The following OPLAH variants were observed in gnomAD, a reference collection of about 807,000 sequenced individuals.
OPLAH encodes 5-oxoprolinase, ATP-hydrolysing.
OPLAH carries 103 observed loss-of-function variants against 122.8 expected under a neutral mutation model. The ratio of observed to expected loss-of-function variants is 0.84; its 90% CI spans 0.71 to 0.99. The LOEUF is 0.99. OPLAH is among the 50% of genes least tolerant of loss of function. OPLAH has a pLI of 0.00. For synonymous variants in OPLAH, 875 were observed against 796.0 expected (o/e 1.10, Z -1.67); for missense variants, 1,902 against 1,836.5 (o/e 1.04, Z -0.65).
Position 144,052,528 on chromosome 8 carries a change from A to G in OPLAH, c.3224T>C (p.Val1075Ala), listed in dbSNP as rs1344938275. ...SILDPSPEAAVVGGNVLTSQR... is the reference protein window; with the variant it reads ...SILDPSPEAAAVGGNVLTSQR... ...CGACGTGAGCACGTTGCCGCCCACC[A>G]CCGCCGCCTCGGGCGACGGGTCCAG... is the stretch of plus-strand genomic sequence containing the variant. The change falls in exon 23 of 27, where the codon GTG becomes GCG. Residue 1075 changes from valine to alanine, a missense_variant. By Grantham distance (64) the Val-to-Ala change is moderately conservative. Transcript: ENST00000618853. 3 of 1,588,168 alleles carry G rather than the reference A, an allele frequency of 1.9e-6. No individual in the cohort carries two copies. The African/African-American group carries it at 4.0e-5, about 21-fold the overall frequency.
At position 144,055,212 on chromosome 8, in the gene OPLAH, C is replaced by A. The variant is rs782683208; in HGVS notation, c.2249-23G>T. The A allele has an allele frequency of 6.7e-7, 1 of 1,493,028 alleles. No individual in the cohort carries two copies. The highest frequency in any genetic ancestry group is 8.9e-7 in the Non-Finnish European group (1 of 1,122,274). 92.5% of individuals were successfully genotyped at this position (1,493,028 alleles called of 1,614,324 possible). A position where few individuals can be genotyped will look rare whatever the true frequency, so the allele number is the denominator to read the frequency against. On this transcript the variant is annotated intron_variant, in intron 16 of 26. Coordinates refer to ENST00000618853, the MANE Select transcript of OPLAH (RefSeq NM_017570.5). This position sits in a 1 kb window ranked among gnomAD's most constrained non-coding sequence, Gnocchi z 6.5. ...GCTCTAGGAGCACAAAGTGACCAGG[C>A]CCGCTGGCCCCACCCACCCACAGCC...
At chr8:144,051,577 C>T (rs1038838142) in intron 26 of OPLAH, 105 bp from the exon 27 acceptor site, 10 of 1,196,860 alleles carry the variant, frequency 8.4e-6, no homozygotes, top group Non-Finnish European at 1.2e-5. Flanking sequence ...TCACCCGCCC[C>T]CATGGACCAC....
chr8:144,058,402 A>G lies in OPLAH; in HGVS notation c.786T>C (p.Asp262=). The stretch of plus-strand genomic sequence containing the variant: ...CGGAGCGCATGAACAACACCTGCAC[A>G]TCCTGCGAGCGGGCAGCAGGCGGGC... ...FCRGFQGQLK[D]VQVLFMRSDG... The change falls in exon 7 of 27, where the codon GAT becomes GAC. Residue 262 remains aspartate (D), a splice_region_variant and synonymous_variant. Coordinates refer to ENST00000618853, the MANE Select transcript of OPLAH (RefSeq NM_017570.5). The G allele has an allele frequency of 3.1e-6, 5 of 1,588,976 alleles. No homozygotes were observed. Among genetic ancestry groups the G allele is most frequent in the Admixed American group, 1.7e-5 (1 of 58,024 alleles).
At position 144,059,056 on chromosome 8, in the gene OPLAH, C is replaced by T; in HGVS notation, c.387G>A (p.Leu129=). Reference sequence around the variant, plus strand: ...CGTCCACCTCCAGCACCTCTTCATACAGCACCTCAGGCATGGGCACGGCCT... The same window carrying T: ...CGTCCACCTCCAGCACCTCTTCATATAGCACCTCAGGCATGGGCACGGCCT... ...FDLAVPMPEV[L]YEEVLEVDER... The change falls in exon 4 of 27, where the codon CTG becomes CTA. Residue 129 remains leucine, a synonymous_variant. Coordinates refer to ENST00000618853, the MANE Select transcript of OPLAH (RefSeq NM_017570.5). The T allele has an allele frequency of 6.3e-7, 1 of 1,588,450 alleles. No homozygotes were observed. Among genetic ancestry groups the T allele is most frequent in the East Asian group, 2.3e-5 (1 of 43,270 alleles).
chr8:144,050,843 C>G, downstream of OPLAH: 1 of 991,872 alleles, frequency 1.0e-6, no homozygotes. Flanking sequence ...GCCTCCTCCC[C>G]CAAGATGCCG....
Position 144,055,163 on chromosome 8 carries a change from T to C in OPLAH, c.2275A>G (p.Thr759Ala). The part of the protein sequence containing the change: ...AEQMGRILQR[T>A]AISTNIKERL... ...TCCTTGATGTTGGTGGAGATGGCTG[T>C]GCGCTGCAGGATGCGGCCCATCTGC... The change falls in exon 17 of 27, where the codon ACA becomes GCA. Residue 759 changes from threonine to alanine, a missense_variant. This residue lies in a region of OPLAH where 1,726 missense variants were observed against 1,642.1 expected (regional missense o/e 1.05). Coordinates refer to ENST00000618853, the MANE Select transcript of OPLAH (RefSeq NM_017570.5). This position sits in a 1 kb window ranked among gnomAD's most constrained non-coding sequence, Gnocchi z 6.5. The C allele has an allele frequency of 3.8e-6, 6 of 1,561,104 alleles. No individual in the cohort carries two copies. Among genetic ancestry groups the C allele is most frequent in the Non-Finnish European group, 5.2e-6 (6 of 1,154,658 alleles).
At chr8:144,050,734 G>A (rs1835352892), downstream of OPLAH, 26 of 985,974 alleles carry the variant, frequency 2.6e-5, no homozygotes, top group Non-Finnish European at 2.9e-5. Context: ...GCGGGAAGTG[G>A]ACCTGGGGAG....
chr8:144,059,064 C>CT lies in OPLAH; in HGVS notation c.378_379insA (p.Glu127ArgfsTer5). 6.3e-7 allele frequency: 1 copy of CT among 1,585,934 alleles called. No individual in the cohort carries two copies. Among genetic ancestry groups the CT allele is most frequent in the South Asian group, 1.2e-5 (1 of 86,756 alleles). On this transcript the variant is annotated frameshift_variant, in exon 4 of 27. Coordinates refer to ENST00000618853, the MANE Select transcript of OPLAH (RefSeq NM_017570.5). LOFTEE classifies it high-confidence loss of function. ...TCCAGCACCTCTTCATACAGCACCT[C>CT]AGGCATGGGCACGGCCTGGGGGCGG...
At position 144,052,429 on chromosome 8, in the gene OPLAH, C is replaced by T. The variant is rs1835404112; in HGVS notation, c.3303+20G>A. 1 of 1,531,918 alleles carries T rather than the reference C, an allele frequency of 6.5e-7. No individual in the cohort carries two copies. The highest frequency in any genetic ancestry group is 8.7e-7 in the Non-Finnish European group (1 of 1,144,114). The allele number at this position is 1,531,918 out of a possible 1,614,324, so 94.9% of individuals were successfully genotyped here. A position where few individuals can be genotyped will look rare whatever the true frequency, so the allele number is the denominator to read the frequency against. On this transcript the variant is annotated intron_variant, in intron 23 of 26. Transcript: ENST00000618853. The stretch of plus-strand genomic sequence containing the variant: ...GCCCACCCAGTCCGCCCCCGAGCTG[C>T]GCCCACCCCGCCCCCGCACCTGGGA...
At chr8:144,050,785 G>T (rs956760826), downstream of OPLAH, 13 of 986,674 alleles carry the variant, frequency 1.3e-5, no homozygotes, top group Non-Finnish European at 1.6e-5. Context: ...CCCTCCCCCG[G>T]ATCCCCCAGG....
chr8:144,058,426 G>A (rs372393636), intron 6 of OPLAH, 22 bp from the exon 7 acceptor site: 615 of 1,585,562 alleles, frequency 3.9e-4, no homozygotes, highest in Admixed American at 5.4e-4. Flanking sequence ...CAGCAGGCGG[G>A]CCATGAGGGG....
chr8:144,057,189 C>T lies in OPLAH; in HGVS notation c.1535+19G>A, dbSNP rs782765454. 1.2e-6 allele frequency: 2 copies of T among 1,608,052 alleles called. No individual in the cohort carries two copies. Among genetic ancestry groups the T allele is most frequent in the Non-Finnish European group, 8.5e-7 (1 of 1,177,848 alleles). ...CGGCGCAGATCACACCACCTCCGTG[C>T]ACCCACACCCAGGCCCACCTGTGGA... On this transcript the variant is annotated intron_variant, in intron 11 of 26. Coordinates refer to ENST00000618853, the MANE Select transcript of OPLAH (RefSeq NM_017570.5).
chr8:144,052,317 T>A lies in OPLAH; in HGVS notation c.3313A>T (p.Asn1105Tyr). 1 of 1,525,880 alleles carries A rather than the reference T, an allele frequency of 6.6e-7. No individual in the cohort carries two copies. Among genetic ancestry groups the A allele is most frequent in the East Asian group, 2.5e-5 (1 of 40,610 alleles). 94.5% of individuals were successfully genotyped at this position (1,525,880 alleles called of 1,614,324 possible). The change falls in exon 24 of 27, where the codon AAC becomes TAC. Residue 1105 changes from asparagine to tyrosine, a missense_variant. Physicochemically the swap from Asn to Tyr is moderately radical, Grantham distance 143 (BLOSUM62 -2). Around this residue, in one of 3 missense-constraint regions of OPLAH, gnomAD observed 1,726 missense variants for 1,642.1 expected, o/e 1.05. Transcript: ENST00000618853. Reference sequence around the variant, plus strand: ...TGGGCGTTGCCCAGGGTCACGTTGTTCATGCAGCCCTGGTGAGGGCACCTG... The same window carrying A: ...TGGGCGTTGCCCAGGGTCACGTTGTACATGCAGCCCTGGTGAGGGCACCTG... ...GACAASQGCM[N>Y]NVTLGNAHMG...
Position 144,057,084 on chromosome 8 carries a change from G to A in OPLAH, c.1570C>T (p.Leu524=), listed in dbSNP as rs553686674. ...SGLLSALGLA[L]ADVVHEAQEP... is the part of the protein sequence containing the mutation. ...TGTGCCTCATGCACCACGTCAGCCA[G>A]GGCCAGCCCCAGGGCCGACAGCAGC... Residue 524 remains leucine (L), a synonymous_variant, in exon 12 of 27, where the codon CTG becomes TTG. Coordinates refer to ENST00000618853, the MANE Select transcript of OPLAH (RefSeq NM_017570.5). 1 of 1,602,866 alleles carries A rather than the reference G, an allele frequency of 6.2e-7. No homozygotes were observed. The highest frequency in any genetic ancestry group is 1.3e-5 in the African/African-American group (1 of 74,944).
In OPLAH at chr8:144,058,177, C is replaced by T. The variant is rs1835573834; in HGVS notation, c.950-29G>A. ...GCAGGGGTGGGGTGCTGGTGGGTCA[C>T]TTGAAGACCCAGGGGCCCAGCAGCT... On this transcript the variant is annotated intron_variant, in intron 7 of 26. Transcript: ENST00000618853. 1.9e-6 allele frequency: 3 copies of T among 1,610,254 alleles called. No homozygotes were observed. The East Asian group carries it at 6.7e-5, about 36-fold the overall frequency.
At chr8:144,061,761 G>A (rs377027785), upstream of OPLAH, among the ~76,000 whole-genome samples, 5 of 152,320 alleles carry the variant, frequency 3.3e-5, no homozygotes, top group East Asian at 7.7e-4. Flanking sequence ...GGTGGCTCAC[G>A]CCTGTAATCC....
At chr8:144,061,363 C>A (rs11994129), upstream of OPLAH, among the ~76,000 whole-genome samples, 1,498 of 152,254 alleles carry the variant, frequency 9.8e-3, 14 homozygotes, top group African/African-American at 0.023. Context: ...ACTAAAAATA[C>A]AAAAATTAGT....
Position 144,057,069 on chromosome 8 carries a change from GCAC to G in OPLAH, c.1582_1584del (p.Val528del), listed in dbSNP as rs1467271946. ...AGGGAGCAGGGTTCCTGTGCCTCAT[GCAC>G]CACGTCAGCCAGGGCCAGCCCCAGG... On this transcript the variant is annotated inframe_deletion, in exon 12 of 27. Coordinates refer to ENST00000618853, the MANE Select transcript of OPLAH (RefSeq NM_017570.5). The G allele has an allele frequency of 1.2e-6, 2 of 1,602,958 alleles. No homozygotes were observed. The highest frequency in any genetic ancestry group is 4.5e-5 in the East Asian group (2 of 44,502).
rs1835494447 is a variant in OPLAH at position 144,055,672 on chromosome 8, C to T, written c.2248+116G>A. ...CACACCAGTGCTGCGGCCACACTGC[C>T]CGCCCCGTCGCCAGGGGGTCCTGCT... On this transcript the variant is annotated intron_variant, in intron 16 of 26. Transcript: ENST00000618853. The surrounding 1 kb of genome is among the most constrained non-coding windows in gnomAD (Gnocchi z 6.5). 1.5e-6 allele frequency: 2 copies of T among 1,291,672 alleles called. No homozygotes were observed. The highest frequency in any genetic ancestry group is 6.4e-5 in the Admixed American group (2 of 31,454). 80.0% of individuals were successfully genotyped at this position (1,291,672 alleles called of 1,614,324 possible).
Sources: allele counts gnomAD v4.1 joint callset (sites outside exome capture counted in the v4.1 genomes callset), GRCh38; gene constraint gnomAD v4.1.1; regional missense constraint gnomAD v4.1.1; non-coding constraint Gnocchi (gnomAD v3.1); transcripts MANE v1.5; gene names NCBI Gene and HGNC (gene_info 2026-07-23, HGNC 2026-07-21).